Variants in ABCC6 observed in about 807,000 individuals in gnomAD.
ABCC6 encodes ATP-binding cassette sub-family C member 6.
Under a neutral mutation model 169.5 loss-of-function variants are expected in ABCC6, and 126 were observed. That is an observed-to-expected ratio of 0.74 (90% CI 0.64 to 0.86). The LOEUF is 0.86. ABCC6 is among the 40% of genes least tolerant of loss of function. The pLI is 0.00. For missense variants in ABCC6, 1,733 were observed against 1,927.2 expected, an observed-to-expected ratio of 0.90 and a Z score of 1.89; for synonymous variants, 752 against 814.7, an observed-to-expected ratio of 0.92 and a Z score of 1.31.
At position 16,163,581 on chromosome 16, in the gene ABCC6, T is replaced by C. The variant is rs75204343; in HGVS notation, c.3307-389A>G. Reference sequence around the variant, plus strand: ...CCCAGCACTGAGGCCGACTACTTCATTTACGGCTGGTCAGTGGGAGAACAA... The same window carrying C: ...CCCAGCACTGAGGCCGACTACTTCACTTACGGCTGGTCAGTGGGAGAACAA... On this transcript the variant is annotated intron_variant, in intron 23 of 30. Coordinates refer to ENST00000205557, the MANE Select transcript of ABCC6 (RefSeq NM_001171.6). 6.2e-4 allele frequency among the ~76,000 whole-genome samples: 94 copies of C among 152,292 alleles called. No individual in the cohort carries two copies. In the East Asian group the frequency reaches 0.011, roughly 18 times the overall value.
chr16:16,177,747 A>C (rs2047330600), intron 18 of ABCC6, 121 bp from the exon 19 acceptor site: 7 of 1,233,566 alleles, frequency 5.7e-6, no homozygotes, highest in Admixed American at 3.6e-5. Context: ...GTTCGAGACC[A>C]GCCTGGCTGA....
intron 26 of ABCC6, among the ~76,000 whole-genome samples, chr16:16,158,653 C>CTGTCCTTATAATGCTACTGTTA: frequency 6.6e-6 from 1 of 152,074 alleles, no homozygotes; most frequent in Non-Finnish European, 1.5e-5. Flanking sequence ...TGTTGCTGTT[C>CTGTCCTTATAATGCTACTGTTA]TGTCCTTATA....
Position 16,154,932 on chromosome 16 carries a change from C to A in ABCC6, c.3982G>T (p.Val1328Phe). ...AAEGGIWIDGVPIAHVGLHTL... is the reference protein window; with the variant it reads ...AAEGGIWIDGFPIAHVGLHTL... ...TGCAGCCCCACGTGGGCAATGGGGA[C>A]CCCGTCGATCCAGATCCCACCCTCA... The change falls in exon 28 of 31, where the codon GTC (valine) becomes TTC (phenylalanine). Residue 1328 changes from valine to phenylalanine, a missense_variant. Transcript: ENST00000205557. The A allele has an allele frequency of 3.1e-6, 5 of 1,601,684 alleles. No homozygotes were observed. The highest frequency in any genetic ancestry group is 4.3e-6 in the Non-Finnish European group (5 of 1,174,382).
At chr16:16,215,272 A>C (rs1273297738) in intron 4 of ABCC6, among the ~76,000 whole-genome samples, 1 of 151,298 alleles carries the variant, frequency 6.6e-6, no homozygotes, top group African/African-American at 2.5e-5. Flanking sequence ...GGCTCAGAGA[A>C]GTGACAGCAC....
In ABCC6 at chr16:16,179,040, T is replaced by G. The variant is rs1046056787; in HGVS notation, c.2248-75A>C. On this transcript the variant is annotated intron_variant, in intron 17 of 30. Transcript: ENST00000205557. ...ACTGGGGTGCCCAGGCTGTGGCAGG[T>G]CAGGGCACACCTGCCCATCAGGGTG... 2.4e-5 allele frequency: 37 copies of G among 1,518,552 alleles called. No individual in the cohort carries two copies. The South Asian group carries it at 4.2e-4, about 17-fold the overall frequency. The allele number at this position is 1,518,552 out of a possible 1,614,324, so 94.1% of individuals were successfully genotyped here.
Position 16,154,756 on chromosome 16 carries a change from G to T in ABCC6, c.4080C>A (p.Leu1360=). 2 of 1,612,858 alleles carry T rather than the reference G, an allele frequency of 1.2e-6. No homozygotes were observed. Residue 1360 remains leucine (L), a synonymous_variant, in exon 29 of 31, where the codon CTC becomes CTA. Transcript: ENST00000205557. The part of the protein sequence containing the change: ...ILFPGSLRMN[L]DLLQEHSDEA... ...CGTCCGAGTGCTCCTGCAGCAGGTCGAGGTTCATCCGCAGAGAGCCAGGGA... is the reference window on the plus strand; with the variant it reads ...CGTCCGAGTGCTCCTGCAGCAGGTCTAGGTTCATCCGCAGAGAGCCAGGGA...
intron 15 of ABCC6, chr16:16,184,208 A>G (rs1310027377): frequency 4.3e-6 from 1 of 233,952 alleles, no homozygotes; most frequent in Non-Finnish European, 9.1e-6. Flanking sequence ...CAAAAAAAAA[A>G]AAAAAAAAAA....
At chr16:16,179,016 CTG>C in intron 17 of ABCC6, 51 bp from the exon 18 acceptor site, 1 of 1,593,818 alleles carries the variant, frequency 6.3e-7, no homozygotes. Flanking sequence ...CAGGGTGAAA[CTG>C]GGGTGCCCAG....
intron 19 of ABCC6, among the ~76,000 whole-genome samples, chr16:16,177,014 C>T (rs2047299013): frequency 1.3e-5 from 2 of 152,188 alleles, no homozygotes; most frequent in South Asian, 4.1e-4. Flanking sequence ...GAAACCCTAG[C>T]TAGCATGGTG....
rs72653797 is a variant in ABCC6 at position 16,177,584 on chromosome 16, C to T, written c.2458G>A (p.Ala820Thr). Residue 820 changes from alanine to threonine, a missense_variant, in exon 19 of 31, where the codon GCT becomes ACT. Ala to Thr is a moderately conservative substitution (Grantham distance 58, BLOSUM62 0). This residue lies in a region of ABCC6 where 1,601 missense variants were observed against 1,635.5 expected (regional missense o/e 0.98). Coordinates refer to ENST00000205557, the MANE Select transcript of ABCC6 (RefSeq NM_001171.6). ...VTHALHILPQ[A>T]DWIIVLANGA... ...TTTGCCAGCACTATGATCCAATCAGCCTGGGGCAGGATGTGGAGTGCGTGC... is the reference window on the plus strand; with the variant it reads ...TTTGCCAGCACTATGATCCAATCAGTCTGGGGCAGGATGTGGAGTGCGTGC... 4 of 1,614,084 alleles carry T rather than the reference C, an allele frequency of 2.5e-6. No homozygotes were observed. Among genetic ancestry groups the T allele is most frequent in the Non-Finnish European group, 3.4e-6 (4 of 1,180,042 alleles).
At chr16:16,157,850 T>TGG (rs751507784) in intron 26 of ABCC6, 41 bp from the exon 27 acceptor site, 2 of 1,591,146 alleles carry the variant, frequency 1.3e-6, no homozygotes, top group South Asian at 2.2e-5. Flanking sequence ...AGCCTTCCTC[T>TGG]AAGACTTCAC....
At chr16:16,207,834 G>C (rs1054608721) in intron 7 of ABCC6, among the ~76,000 whole-genome samples, 10 of 151,130 alleles carry the variant, frequency 6.6e-5, no homozygotes, top group African/African-American at 2.4e-4. Context: ...CTGCAGAGAA[G>C]TTTCCAGAGA....
At chr16:16,208,425 T>C (rs2048467784) in intron 7 of ABCC6, among the ~76,000 whole-genome samples, 1 of 151,474 alleles carries the variant, frequency 6.6e-6, no homozygotes, top group South Asian at 2.1e-4. Context: ...CAGGCTGGAG[T>C]GCAATGGTGA....
In ABCC6 at chr16:16,201,951, A is replaced by G. The variant is rs748424456; in HGVS notation, c.1176+50T>C. On this transcript the variant is annotated intron_variant, in intron 9 of 30. Transcript: ENST00000205557. ...TGATAACATTACTGCCCGCTCAGTG[A>G]TACTGCTTTTCCTGGCTGGGAAGAC... 39 of 1,610,230 alleles carry G rather than the reference A, an allele frequency of 2.4e-5. 1 individual carries two copies. In the South Asian group the frequency reaches 4.1e-4, roughly 17 times the overall value.
chr16:16,189,034 C>A (rs2047751939), intron 12 of ABCC6, 60 bp from the exon 13 acceptor site: 1 of 1,593,672 alleles, frequency 6.3e-7, no homozygotes, highest in Admixed American at 1.7e-5. Flanking sequence ...GATAGGGCAG[C>A]CTGGGCAAGC....
In ABCC6 at chr16:16,161,382, C is replaced by T. The variant is rs150765063; in HGVS notation, c.3633+56G>A. ...TTCAAAGGTCCCACTAGCAGGGGTC[C>T]GACAGTCTCTGCCTCTGTCTGTCCC... On this transcript the variant is annotated intron_variant, in intron 25 of 30. Coordinates refer to ENST00000205557, the MANE Select transcript of ABCC6 (RefSeq NM_001171.6). The T allele has an allele frequency of 7.9e-5, 127 of 1,612,010 alleles. 3 individuals are homozygous for T. The highest frequency in any genetic ancestry group is 6.6e-4 in the South Asian group (60 of 91,012).
At position 16,202,121 on chromosome 16, in the gene ABCC6, G is replaced by A. The variant is rs200738286; in HGVS notation, c.1056C>T (p.Leu352=). Residue 352 remains leucine, a synonymous_variant, in exon 9 of 31, where the codon CTC becomes CTT. Coordinates refer to ENST00000205557, the MANE Select transcript of ABCC6 (RefSeq NM_001171.6). The part of the protein sequence containing the change: ...PKPPAWKGYL[L]AVLMFLSACL... ...AGGCTGAGAGGAACATCAGCACGGC[G>A]AGGAGGTAGCCCTTCCAGGCTGGAG... is the stretch of plus-strand genomic sequence containing the variant. 12 of 1,613,916 alleles carry A rather than the reference G, an allele frequency of 7.4e-6. No individual in the cohort carries two copies. Among genetic ancestry groups the A allele is most frequent in the Admixed American group, 3.3e-5 (2 of 60,012 alleles).
intron 19 of ABCC6, 59 bp downstream of exon 19, chr16:16,177,393 C>G (rs2047311027): frequency 2.5e-6 from 4 of 1,602,656 alleles, no homozygotes; most frequent in Non-Finnish European, 3.4e-6. Flanking sequence ...CCCTTCGAGC[C>G]TTTTCCCCCA....
rs2046849500 is a variant in ABCC6, at chr16:16,165,656, G to A, written c.3273C>T (p.Ile1091=). Residue 1091 remains isoleucine (I), a synonymous_variant, in exon 23 of 31, where the codon ATC becomes ATT. Coordinates refer to ENST00000205557, the MANE Select transcript of ABCC6 (RefSeq NM_001171.6). ...CAGCGTAGAGGAGAAACAGTGGCAG[G>A]ATGGCCACAGTGGCCAGTGGGGTAG... ...AVATPLATVA[I]LPLFLLYAGF... 6.2e-7 allele frequency: 1 copy of A among 1,612,560 alleles called. No homozygotes were observed. Among genetic ancestry groups the A allele is most frequent in the Admixed American group, 1.7e-5 (1 of 60,008 alleles).
Sources: gnomAD v4.1 joint callset for allele counts (sites outside exome capture counted in the v4.1 genomes callset) on GRCh38, gnomAD v4.1.1 for gene constraint, gnomAD v4.1.1 regional missense constraint, MANE v1.5 for transcripts, NCBI Gene and HGNC (gene_info 2026-07-23, HGNC 2026-07-21) for gene names.